The following PIEZO2 variants were observed in gnomAD, a reference collection of about 807,000 sequenced individuals.
PIEZO2 encodes the protein piezo-type mechanosensitive ion channel component 2.
Under a neutral mutation model 337.3 loss-of-function variants are expected in PIEZO2, and 172 were observed. That is an observed-to-expected ratio of 0.51 (90% CI 0.45 to 0.58). The LOEUF (loss-of-function observed/expected upper bound fraction) is 0.58, where lower values mean the gene tolerates loss of function less well. Ranked by LOEUF, PIEZO2 falls within the 20% of genes least tolerant of loss-of-function variation. PIEZO2 has a pLI of 0.00. For missense variants in PIEZO2, 3,028 were observed against 3,391.3 expected (o/e 0.89, Z 2.66); for synonymous variants, 1,251 against 1,228.5 (o/e 1.02, Z -0.38).
At chr18:10,906,732 T>C (rs552339201) in intron 4 of PIEZO2, among the ~76,000 whole-genome samples, 3 of 151,990 alleles carry the variant, frequency 2.0e-5, no homozygotes, top group Admixed American at 2.0e-4. Context: ...GGCTAATTTT[T>C]AGTATTTTAG....
rs1030695149 is a variant in PIEZO2 at position 11,129,276 on chromosome 18, GAAT to G, written c.64+19246_64+19248del. 8.5e-5 allele frequency among the ~76,000 whole-genome samples: 13 copies of G among 152,178 alleles called. No individual in the cohort carries two copies. The highest frequency in any genetic ancestry group is 2.9e-4 in the African/African-American group (12 of 41,440). On this transcript the variant is annotated intron_variant, in intron 1 of 55. Transcript: ENST00000674853. This position sits in a 1 kb window ranked among gnomAD's most constrained non-coding sequence, Gnocchi z 4.6. ...CAACTACAAAACTTAAATACAATGA[GAAT>G]AATTGGATCCCGAGGTGGCAGGGAC... is the stretch of plus-strand genomic sequence containing the variant.
At position 11,003,277 on chromosome 18, in the gene PIEZO2, G is replaced by GTTTTT. The variant is rs2035610910; in HGVS notation, c.161-23618_161-23617insAAAAA. Among the ~76,000 whole-genome samples, 1 of 152,094 alleles carries GTTTTT rather than the reference G, an allele frequency of 6.6e-6. No homozygotes were observed. The highest frequency in any genetic ancestry group is 1.5e-5 in the Non-Finnish European group (1 of 67,994). ...TTGTTTGTTTGTTTTGTTTTGTTTT[G>GTTTTT]TTTTGCCAATTCACTTAACAAACCA... is the stretch of plus-strand genomic sequence containing the variant. On this transcript the variant is annotated intron_variant, in intron 2 of 55. Coordinates refer to ENST00000674853, the MANE Select transcript of PIEZO2 (RefSeq NM_001378183.1). The surrounding 1 kb of genome is among the most constrained non-coding windows in gnomAD (Gnocchi z 4.6).
chr18:11,066,039 G>T, intron 2 of PIEZO2, 88 bp downstream of exon 2: 1 of 1,033,116 alleles, frequency 9.7e-7, no homozygotes, highest in Non-Finnish European at 1.4e-6. Flanking sequence ...TAACATCTCT[G>T]CCATTAGATA....
At position 10,899,891 on chromosome 18, in the gene PIEZO2, T is replaced by C. The variant is rs1460516409; in HGVS notation, c.329+11295A>G. 1.3e-5 allele frequency among the ~76,000 whole-genome samples: 2 copies of C among 152,190 alleles called. No individual in the cohort carries two copies. Among genetic ancestry groups the C allele is most frequent in the Non-Finnish European group, 1.5e-5 (1 of 68,036 alleles). Reference sequence around the variant, plus strand: ...ATGCACTGTTTTCTGTAGGATCTCATTGTCATTCATTAACTCGAAGACTGT... The same window carrying C: ...ATGCACTGTTTTCTGTAGGATCTCACTGTCATTCATTAACTCGAAGACTGT... On this transcript the variant is annotated intron_variant, in intron 4 of 55. Transcript: ENST00000674853. The surrounding 1 kb of genome is among the most constrained non-coding windows in gnomAD (Gnocchi z 4.6).
intron 36 of PIEZO2, among the ~76,000 whole-genome samples, chr18:10,721,764 C>A (rs2036320486): frequency 6.6e-6 from 1 of 151,912 alleles, no homozygotes; most frequent in East Asian, 1.9e-4. Context: ...GCATTTAAAT[C>A]CAGTAGGAAA....
chr18:11,094,323 C>T lies in PIEZO2; in HGVS notation c.65-28101G>A, dbSNP rs1453823714. On this transcript the variant is annotated intron_variant, in intron 1 of 55. Transcript: ENST00000674853. This position sits in a 1 kb window ranked among gnomAD's most constrained non-coding sequence, Gnocchi z 4.4. ...AATTTTACAAATGGGGAAGCTGAGG[C>T]GAAGTGATTTTCTCAATGTCACACA... Among the ~76,000 whole-genome samples the T allele has an allele frequency of 1.3e-5, 2 of 152,032 alleles. No homozygotes were observed. Among genetic ancestry groups the T allele is most frequent in the African/African-American group, 2.4e-5 (1 of 41,378 alleles).
chr18:10,955,756 T>A (rs2033490356), intron 3 of PIEZO2, among the ~76,000 whole-genome samples: 1 of 152,240 alleles, frequency 6.6e-6, no homozygotes, highest in African/African-American at 2.4e-5. Context: ...ATATTTTGGA[T>A]TGATGTTTTC....
At chr18:10,959,142 C>G (rs1426447297) in intron 3 of PIEZO2, among the ~76,000 whole-genome samples, 2 of 152,136 alleles carry the variant, frequency 1.3e-5, no homozygotes, top group Non-Finnish European at 2.9e-5. Context: ...ATGCATGCCA[C>G]TAGCATATTG....
At chr18:11,089,475 C>T (rs531512273) in intron 1 of PIEZO2, among the ~76,000 whole-genome samples, 1 of 152,248 alleles carries the variant, frequency 6.6e-6, no homozygotes, top group Non-Finnish European at 1.5e-5. Context: ...CCTGCCCAAA[C>T]TCTTGAAATT....
rs780179641 is a variant in PIEZO2 at position 10,731,544 on chromosome 18, T to C, written c.4915-23A>G. Reference sequence around the variant, plus strand: ...AAACTGAAGGGAGAAAGTTCAATTATTTTCTGGCCTTTTAATAATTTGAAA... The same window carrying C: ...AAACTGAAGGGAGAAAGTTCAATTACTTTCTGGCCTTTTAATAATTTGAAA... On this transcript the variant is annotated intron_variant, in intron 35 of 55. Transcript: ENST00000674853. 4.2e-6 allele frequency: 6 copies of C among 1,430,324 alleles called. No homozygotes were observed. The African/African-American group carries it at 8.7e-5, about 21-fold the overall frequency. 88.6% of individuals were successfully genotyped at this position (1,430,324 alleles called of 1,614,324 possible).
chr18:11,133,613 G>A (rs1322481211), intron 1 of PIEZO2, among the ~76,000 whole-genome samples: 1 of 152,042 alleles, frequency 6.6e-6, no homozygotes, highest in Non-Finnish European at 1.5e-5. Context: ...GAAAAGGAGA[G>A]ATGGGCCTAA....
intron 49 of PIEZO2, 34 bp downstream of exon 49, chr18:10,689,621 A>G (rs757061773): frequency 6.2e-7 from 1 of 1,613,944 alleles, no homozygotes; most frequent in East Asian, 2.2e-5. Context: ...TAAGAGAAGC[A>G]GACAGGAATA....
At chr18:10,738,810 G>A (rs2037110931) in intron 33 of PIEZO2, 1 of 152,166 alleles carries the variant, frequency 6.6e-6, no homozygotes, top group African/African-American at 2.4e-5. Context: ...AACCAATATT[G>A]AAACATAAGG....
Position 11,146,282 on chromosome 18 carries a change from G to A in PIEZO2, c.64+2243C>T, listed in dbSNP as rs8095896. On this transcript the variant is annotated intron_variant, in intron 1 of 55. Coordinates refer to ENST00000674853, the MANE Select transcript of PIEZO2 (RefSeq NM_001378183.1). The surrounding 1 kb of genome is among the most constrained non-coding windows in gnomAD (Gnocchi z 6.1). Reference sequence around the variant, plus strand: ...GCCCCTGGAAGCCGAGCTCCTCCCAGAAAGTCCAGGATCAAAGTGGACTCA... The same window carrying A: ...GCCCCTGGAAGCCGAGCTCCTCCCAAAAAGTCCAGGATCAAAGTGGACTCA... Among the ~76,000 whole-genome samples, 128,131 of 152,112 alleles carry A rather than the reference G, an allele frequency of 0.84. 54,351 individuals carry two copies. The highest frequency in any genetic ancestry group is 0.95 in the African/African-American group (39,351 of 41,528).
chr18:10,706,385 C>T (rs933645034), intron 40 of PIEZO2, among the ~76,000 whole-genome samples: 35 of 152,192 alleles, frequency 2.3e-4, no homozygotes, highest in African/African-American at 7.7e-4. Flanking sequence ...TCTCCACCCT[C>T]GTCCCAGCTC....
intron 3 of PIEZO2, among the ~76,000 whole-genome samples, chr18:10,967,926 A>C (rs2034079259): frequency 6.6e-6 from 1 of 151,920 alleles, no homozygotes; most frequent in Non-Finnish European, 1.5e-5. Flanking sequence ...TATTATTATT[A>C]TTACTTTGCT....
chr18:11,085,273 C>G (rs2038873166), intron 1 of PIEZO2, among the ~76,000 whole-genome samples: 2 of 152,168 alleles, frequency 1.3e-5, no homozygotes, highest in African/African-American at 4.8e-5. Context: ...TCCCCAACCC[C>G]AGCTACCTGG....
At chr18:11,106,782 A>G (rs1291867429) in intron 1 of PIEZO2, among the ~76,000 whole-genome samples, 1 of 152,148 alleles carries the variant, frequency 6.6e-6, no homozygotes, top group Non-Finnish European at 1.5e-5. Context: ...ACAAAGAGAG[A>G]CCAGCAGTGC....
At position 10,859,973 on chromosome 18, in the gene PIEZO2, G is replaced by T. The variant is rs997625156; in HGVS notation, c.493-2762C>A. Among the ~76,000 whole-genome samples, 23 of 152,146 alleles carry T rather than the reference G, an allele frequency of 1.5e-4. No homozygotes were observed. The highest frequency in any genetic ancestry group is 5.3e-4 in the African/African-American group (22 of 41,432). On this transcript the variant is annotated intron_variant, in intron 5 of 55. Coordinates refer to ENST00000674853, the MANE Select transcript of PIEZO2 (RefSeq NM_001378183.1). The surrounding 1 kb of genome is among the most constrained non-coding windows in gnomAD (Gnocchi z 4.9). ...CTAGGAAGTTTAAAGTGGGGAGGAA[G>T]GATAGATGATAATCAGGGTAGCTCC...
Sources: gnomAD v4.1 joint callset for allele counts (sites outside exome capture counted in the v4.1 genomes callset) on GRCh38, gnomAD v4.1.1 for gene constraint, Gnocchi (gnomAD v3.1) non-coding constraint, MANE v1.5 for transcripts, NCBI Gene and HGNC (gene_info 2026-07-23, HGNC 2026-07-21) for gene names.